CUX1: variants seen among roughly 807,000 people sequenced by gnomAD.
CUX1 encodes the protein protein CASP.
Under a neutral mutation model 158.8 loss-of-function variants are expected in CUX1, and 31 were observed. The ratio of observed to expected loss-of-function variants is 0.20; its 90% confidence interval spans 0.15 to 0.26. CUX1 has a LOEUF of 0.26. Among genes scored for constraint, CUX1 ranks in the 10% least tolerant of loss-of-function variants. The pLI, the probability that CUX1 is intolerant of heterozygous loss-of-function variation, is 1.00. For missense variants in CUX1, 1,589 were observed against 2,014.6 expected (o/e 0.79, Z 4.04); for synonymous variants, 879 against 862.1 (o/e 1.02, Z -0.34).
In CUX1 at chr7:102,134,693, G is replaced by C. The variant is rs187602390; in HGVS notation, c.674+19420G>C. Among the ~76,000 whole-genome samples, 361 of 152,266 alleles carry C rather than the reference G, an allele frequency of 2.4e-3. 3 individuals carry two copies. The highest frequency in any genetic ancestry group is 8.3e-3 in the African/African-American group (347 of 41,560). On this transcript the variant is annotated intron_variant, in intron 8 of 23. Coordinates refer to ENST00000292535, the MANE Select transcript of CUX1 (RefSeq NM_181552.4). ...ACTCACTGCAGCCCTGACCTCCTGGGCTCAAGTGATCCTCCCACCTCAGCC... is the reference window on the plus strand; with the variant it reads ...ACTCACTGCAGCCCTGACCTCCTGGCCTCAAGTGATCCTCCCACCTCAGCC...
At chr7:101,958,146 G>A (rs972544554) in intron 2 of CUX1, among the ~76,000 whole-genome samples, 1 of 152,178 alleles carries the variant, frequency 6.6e-6, no homozygotes, top group African/African-American at 2.4e-5. Context: ...CGTGTGAAGT[G>A]TGCAGAGTGC....
chr7:101,945,565 G>C (rs1053608660), intron 2 of CUX1, among the ~76,000 whole-genome samples: 1 of 152,180 alleles, frequency 6.6e-6, no homozygotes, highest in African/African-American at 2.4e-5. Context: ...TCCTGGCCTC[G>C]TGGAGCTGAT....
chr7:102,227,223 A>G, intron 20 of CUX1, 144 bp from the exon 21 acceptor site: 1 of 703,374 alleles, frequency 1.4e-6, no homozygotes, highest in Non-Finnish European at 2.4e-6. Flanking sequence ...AAAATATGAA[A>G]CAGTTCACTA....
chr7:102,267,370 C>T (rs1790887408), intron 14 of CUX1, among the ~76,000 whole-genome samples: 1 of 151,860 alleles, frequency 6.6e-6, no homozygotes, highest in African/African-American at 2.4e-5. Flanking sequence ...TCTGTCTCCA[C>T]TAAAAATACA....
At chr7:102,164,155 C>T (rs1187060825) in intron 9 of CUX1, among the ~76,000 whole-genome samples, 2 of 152,226 alleles carry the variant, frequency 1.3e-5, no homozygotes, top group Non-Finnish European at 1.5e-5. Flanking sequence ...AATTCACAGC[C>T]TTTTTGTGGT....
Position 101,817,711 on chromosome 7 carries a change from G to A in CUX1, c.30+42G>A. On this transcript the variant is annotated intron_variant, in intron 1 of 23. Coordinates refer to ENST00000292535, the MANE Select transcript of CUX1 (RefSeq NM_181552.4). The surrounding 1 kb of genome is among the most constrained non-coding windows in gnomAD (Gnocchi z 4.1). ...CCAGAAGTCCCGAGGTTGCAGGCGC[G>A]GAGGGAACCGGGGATGTCGGGGGGT... The A allele has an allele frequency of 6.5e-7, 1 of 1,546,788 alleles. No individual in the cohort carries two copies. The highest frequency in any genetic ancestry group is 8.7e-7 in the Non-Finnish European group (1 of 1,145,588).
rs1303327185 is a variant in CUX1 at position 102,036,765 on chromosome 7, A to AC, written c.189+8620_189+8621insC. Among the ~76,000 whole-genome samples, 7 of 149,706 alleles carry AC rather than the reference A, an allele frequency of 4.7e-5. No individual in the cohort carries two copies. In the South Asian group the frequency reaches 6.4e-4, roughly 14 times the overall value. On this transcript the variant is annotated intron_variant, in intron 3 of 23. Coordinates refer to ENST00000292535, the MANE Select transcript of CUX1 (RefSeq NM_181552.4). Reference sequence around the variant, plus strand: ...TCAAAAAAACAAGCAAACAAACAAAAAAAAAAAAAAACACCGGAATCTGGC... The same window carrying AC: ...TCAAAAAAACAAGCAAACAAACAAAACAAAAAAAAAAACACCGGAATCTGGC...
intron 21 of CUX1, among the ~76,000 whole-genome samples, 173 bp from the exon 22 acceptor site, chr7:102,233,879 T>C (rs2132429513): frequency 6.6e-6 from 1 of 152,312 alleles, no homozygotes; most frequent in East Asian, 1.9e-4. Context: ...GAGAGTATTA[T>C]AAGTCTGGTT....
chr7:102,039,846 G>T (rs1821868838), intron 3 of CUX1, among the ~76,000 whole-genome samples: 2 of 152,080 alleles, frequency 1.3e-5, no homozygotes, highest in Non-Finnish European at 1.5e-5. Context: ...TCGTTGGAAG[G>T]AGTGGAGCCC....
intron 3 of CUX1, among the ~76,000 whole-genome samples, chr7:102,036,156 G>A (rs543486021): frequency 4.0e-4 from 61 of 151,946 alleles, no homozygotes; most frequent in Admixed American, 2.8e-3. Flanking sequence ...TAGTAAAGAC[G>A]GTTTCGCCAG....
chr7:102,221,064 C>T (rs1353223725), intron 20 of CUX1, among the ~76,000 whole-genome samples: 2 of 152,160 alleles, frequency 1.3e-5, no homozygotes, highest in Non-Finnish European at 2.9e-5. Context: ...CCTCTCCCCT[C>T]TCCCCTAACC....
intron 5 of CUX1, among the ~76,000 whole-genome samples, chr7:102,102,789 G>A (rs1387576603): frequency 2.6e-5 from 4 of 152,206 alleles, no homozygotes; most frequent in African/African-American, 9.6e-5. Context: ...CCCCTCTCTT[G>A]GGGGCTGGGG....
intron 1 of CUX1, among the ~76,000 whole-genome samples, chr7:101,839,810 G>T (rs1795024476): frequency 1.3e-5 from 2 of 152,106 alleles, no homozygotes; most frequent in Non-Finnish European, 2.9e-5. Flanking sequence ...TGCCCAGGCT[G>T]GAGTACAATG....
At position 102,121,074 on chromosome 7, in the gene CUX1, A is replaced by G. The variant is rs529338865; in HGVS notation, c.674+5801A>G. On this transcript the variant is annotated intron_variant, in intron 8 of 23. Transcript: ENST00000292535. ...CGAGAGCCCATCTCTAAAAATAATA[A>G]TAATAATTTTTAAAAGGAGGGGAGG... Among the ~76,000 whole-genome samples, 48 of 152,294 alleles carry G rather than the reference A, an allele frequency of 3.2e-4. No homozygotes were observed. In the South Asian group the frequency reaches 9.3e-3, roughly 30 times the overall value.
chr7:101,968,544 T>C (rs535678116), intron 2 of CUX1, among the ~76,000 whole-genome samples: 138 of 152,298 alleles, frequency 9.1e-4, no homozygotes, highest in South Asian at 6.2e-3. Flanking sequence ...TGCCTTAGCC[T>C]CCTGAGTAGC....
At chr7:102,150,190 C>T (rs945102584) in intron 8 of CUX1, among the ~76,000 whole-genome samples, 15 of 152,282 alleles carry the variant, frequency 9.9e-5, no homozygotes, top group African/African-American at 3.6e-4. Flanking sequence ...GGGTCTCGCT[C>T]TGGTACCCAG....
chr7:102,110,406 ATAT>A, intron 6 of CUX1, among the ~76,000 whole-genome samples: 1 of 152,256 alleles, frequency 6.6e-6, no homozygotes, highest in South Asian at 2.1e-4. Flanking sequence ...ATATTAATTC[ATAT>A]TATGCTATAG....
chr7:101,984,256 T>C (rs1813976202), intron 2 of CUX1, among the ~76,000 whole-genome samples: 1 of 148,718 alleles, frequency 6.7e-6, no homozygotes. Flanking sequence ...CCATGTTTTA[T>C]TTCTCTTTAT....
chr7:102,054,521 C>G (rs1390783252), intron 3 of CUX1, among the ~76,000 whole-genome samples: 1 of 152,220 alleles, frequency 6.6e-6, no homozygotes, highest in Non-Finnish European at 1.5e-5. Flanking sequence ...CCTTATGCCC[C>G]TACCAGTTCA....
Sources: allele counts gnomAD v4.1 joint callset (sites outside exome capture counted in the v4.1 genomes callset), GRCh38; gene constraint gnomAD v4.1.1; non-coding constraint Gnocchi (gnomAD v3.1); transcripts MANE v1.5; gene names NCBI Gene and HGNC (gene_info 2026-07-23, HGNC 2026-07-21).